Variants in FAT3 observed in about 807,000 individuals in gnomAD.
The protein encoded by FAT3 is FAT atypical cadherin 3, also known as protocadherin Fat 3.
In FAT3, 95 loss-of-function variants were observed where a neutral mutation model predicts 310.2. The ratio of observed to expected loss-of-function variants is 0.31; its 90% CI spans 0.26 to 0.36. FAT3 has a LOEUF of 0.36. FAT3 is among the 10% of genes least tolerant of loss of function. The pLI is 1.00. For missense variants in FAT3, 5,408 were observed against 5,715.6 expected, an observed-to-expected ratio of 0.95 and a Z score of 1.74; for synonymous variants, 2,314 against 2,192.9, an observed-to-expected ratio of 1.06 and a Z score of -1.54.
At chr11:92,700,811 T>TA (rs1322505561) in intron 4 of FAT3, among the ~76,000 whole-genome samples, 1 of 152,176 alleles carries the variant, frequency 6.6e-6, no homozygotes, top group Non-Finnish European at 1.5e-5. Flanking sequence ...TTCTCTCTCT[T>TA]ATGCACACTG....
At chr11:92,876,488 T>C (rs755842110) in intron 22 of FAT3, among the ~76,000 whole-genome samples, 7 of 152,226 alleles carry the variant, frequency 4.6e-5, no homozygotes, top group Non-Finnish European at 1.0e-4. Flanking sequence ...TCTGTAGACA[T>C]AGCTGGCATC....
In FAT3 at chr11:92,883,636, G is replaced by C. The variant is rs1180554176; in HGVS notation, c.12937+243G>C. On this transcript the variant is annotated intron_variant, in intron 24 of 27. Transcript: ENST00000525166. This position sits in a 1 kb window ranked among gnomAD's most constrained non-coding sequence, Gnocchi z 4.2. ...GAGCCCAAGGTGAGGCAGCTAGTAAGAGGCAGTCAGTACCCCAACTCAAGT... is the reference window on the plus strand; with the variant it reads ...GAGCCCAAGGTGAGGCAGCTAGTAACAGGCAGTCAGTACCCCAACTCAAGT... 6.6e-6 allele frequency among the ~76,000 whole-genome samples: 1 copy of C among 152,184 alleles called. No individual in the cohort carries two copies. Among genetic ancestry groups the C allele is most frequent in the Non-Finnish European group, 1.5e-5 (1 of 68,042 alleles).
At chr11:92,592,147 T>C (rs1939456177) in intron 3 of FAT3, among the ~76,000 whole-genome samples, 2 of 152,080 alleles carry the variant, frequency 1.3e-5, no homozygotes, top group Admixed American at 6.6e-5. Context: ...TGCTCAGTTT[T>C]TCTGTAAACC....
intron 2 of FAT3, among the ~76,000 whole-genome samples, chr11:92,493,199 C>G (rs921028594): frequency 6.6e-6 from 1 of 152,096 alleles, no homozygotes; most frequent in African/African-American, 2.4e-5. Flanking sequence ...CCAATCCTAG[C>G]TTGAATTCTC....
intron 2 of FAT3, among the ~76,000 whole-genome samples, chr11:92,422,007 G>A (rs775003729): frequency 6.6e-5 from 10 of 152,204 alleles, no homozygotes; most frequent in Non-Finnish European, 1.2e-4. Flanking sequence ...GGCATTACAG[G>A]CTGTGAGCTG....
rs981236910 is a variant in FAT3 at position 92,895,846 on chromosome 11, G to A, written c.*4733G>A. ...AGATACTATATTTGATGCCTATCAG[G>A]ATGCTTTAATTTGGGGGGTCGAATA... On this transcript the variant is annotated 3_prime_UTR_variant, in exon 28 of 28. Coordinates refer to ENST00000525166, the MANE Select transcript of FAT3 (RefSeq NM_001367949.2). The A allele has an allele frequency of 6.6e-6, 1 of 152,032 alleles. No homozygotes were observed. Among genetic ancestry groups the A allele is most frequent in the African/African-American group, 2.4e-5 (1 of 41,378 alleles). The allele number at this position is 152,032 out of a possible 1,614,324, so 9.4% of individuals were successfully genotyped here. A position where few individuals can be genotyped will look rare whatever the true frequency, so the allele number is the denominator to read the frequency against.
chr11:92,587,921 T>A (rs1365791959), intron 3 of FAT3, among the ~76,000 whole-genome samples: 3 of 152,062 alleles, frequency 2.0e-5, no homozygotes, highest in African/African-American at 7.2e-5. Flanking sequence ...AGGACAAATT[T>A]GTTCATTGTT....
intron 2 of FAT3, among the ~76,000 whole-genome samples, chr11:92,501,239 A>G (rs773974426): frequency 2.4e-4 from 37 of 152,022 alleles, no homozygotes; most frequent in Non-Finnish European, 4.0e-4. Flanking sequence ...TTCTGGCTGT[A>G]TGGGGAATGT....
In FAT3 at chr11:92,366,131, C is replaced by G. The variant is rs557472803; in HGVS notation, c.3292+10727C>G. Among the ~76,000 whole-genome samples the G allele has an allele frequency of 3.9e-5, 6 of 152,090 alleles. No homozygotes were observed. In the South Asian group the frequency reaches 1.2e-3, roughly 32 times the overall value. ...CACAGGACTGGCTCTAGGAGCAGAT[C>G]GGCTCTCTTGCGTCTCCTTATTGGT... On this transcript the variant is annotated intron_variant, in intron 2 of 27. Transcript: ENST00000525166.
In FAT3 at chr11:92,435,038, C is replaced by A. The variant is rs924390275; in HGVS notation, c.3292+79634C>A. The stretch of plus-strand genomic sequence containing the variant: ...CGTGGTGGCAGGCTGGGCAGAAAAA[C>A]CACAACTGCTTGCAAACAGCATGGA... On this transcript the variant is annotated intron_variant, in intron 2 of 27. Transcript: ENST00000525166. Among the ~76,000 whole-genome samples, 3 of 152,132 alleles carry A rather than the reference C, an allele frequency of 2.0e-5. No homozygotes were observed. The East Asian group carries it at 5.8e-4, about 29-fold the overall frequency.
intron 22 of FAT3, among the ~76,000 whole-genome samples, chr11:92,870,800 A>G (rs1949366369): frequency 6.6e-6 from 1 of 152,180 alleles, no homozygotes; most frequent in Non-Finnish European, 1.5e-5. Flanking sequence ...TCTTAATGGT[A>G]AGAGCTACCG....
intron 4 of FAT3, among the ~76,000 whole-genome samples, chr11:92,748,504 C>T (rs149531621): frequency 1.3e-5 from 2 of 152,144 alleles, no homozygotes; most frequent in East Asian, 3.9e-4. Context: ...TCCTTTGAAC[C>T]CTCATTCTTT....
chr11:92,355,501 A>C lies in FAT3; in HGVS notation c.3292+97A>C, dbSNP rs1272861830. The C allele has an allele frequency of 1.0e-5, 13 of 1,243,210 alleles. No individual in the cohort carries two copies. The Admixed American group carries it at 3.2e-4, about 30-fold the overall frequency. The allele number at this position is 1,243,210 out of a possible 1,614,324, so 77.0% of individuals were successfully genotyped here. ...GATGTTAGGACACTAAAATAGAATG[A>C]CAAATGAGGTTGCATTTGGTGCAGA... On this transcript the variant is annotated intron_variant, in intron 2 of 27. Coordinates refer to ENST00000525166, the MANE Select transcript of FAT3 (RefSeq NM_001367949.2).
chr11:92,832,737 G>T (rs965207642), intron 14 of FAT3, among the ~76,000 whole-genome samples: 1 of 152,174 alleles, frequency 6.6e-6, no homozygotes, highest in Non-Finnish European at 1.5e-5. Context: ...ATGTGCACAT[G>T]TTGGAAAATG....
At chr11:92,380,509 C>A (rs1388668655) in intron 2 of FAT3, among the ~76,000 whole-genome samples, 6 of 152,148 alleles carry the variant, frequency 3.9e-5, no homozygotes. Flanking sequence ...TGAGGCGGTG[C>A]CCATGTGTCC....
At chr11:92,368,828 G>GTATATATATATATATATATA (rs1565263475) in intron 2 of FAT3, among the ~76,000 whole-genome samples, 28 of 108,138 alleles carry the variant, frequency 2.6e-4, no homozygotes, top group African/African-American at 1.5e-3. Context: ...ATGTTTGTGT[G>GTATATATATATATATATATA]TATACATATA....
intron 1 of FAT3, among the ~76,000 whole-genome samples, chr11:92,260,532 T>TAGTTC (rs146468617): frequency 1.5e-3 from 224 of 152,220 alleles, no homozygotes; most frequent in African/African-American, 5.1e-3. Flanking sequence ...CCACTTTTAA[T>TAGTTC]AGTTCTTTAA....
chr11:92,808,843 G>C (rs540187923), intron 12 of FAT3, among the ~76,000 whole-genome samples: 1 of 151,898 alleles, frequency 6.6e-6, no homozygotes, highest in African/African-American at 2.4e-5. Flanking sequence ...GGAGAATGGC[G>C]TGAACCCAGG....
At chr11:92,781,197 C>G (rs1279052763) in intron 7 of FAT3, among the ~76,000 whole-genome samples, 2 of 151,394 alleles carry the variant, frequency 1.3e-5, no homozygotes, top group African/African-American at 4.9e-5. Flanking sequence ...GCCCTCCTGC[C>G]TCAGGCTCCA....
Sources: gnomAD v4.1 joint callset for allele counts (sites outside exome capture counted in the v4.1 genomes callset) on GRCh38, gnomAD v4.1.1 for gene constraint, Gnocchi (gnomAD v3.1) non-coding constraint, MANE v1.5 for transcripts, NCBI Gene and HGNC (gene_info 2026-07-23, HGNC 2026-07-21) for gene names.